The following UBE2K variants were observed in gnomAD, a reference collection of about 807,000 sequenced individuals.
The protein encoded by UBE2K is ubiquitin conjugating enzyme E2 K, also known as ubiquitin-conjugating enzyme E2 K.
Under a neutral mutation model 30.0 loss-of-function variants are expected in UBE2K, and 6 were observed. The ratio of observed to expected loss-of-function variants is 0.20; its 90% CI spans 0.11 to 0.39. UBE2K has a LOEUF of 0.39. Ranked by LOEUF, UBE2K falls within the 10% of genes least tolerant of loss-of-function variation. The probability of loss-of-function intolerance (pLI) is 1.00; values close to 1 mark genes in which losing one functional copy is unlikely to be tolerated. For missense variants in UBE2K, 61 were observed against 241.6 expected, an observed-to-expected ratio of 0.25 and a Z score of 4.96; for synonymous variants, 86 against 83.7, an observed-to-expected ratio of 1.03 and a Z score of -0.15.
intron 2 of UBE2K, among the ~76,000 whole-genome samples, chr4:39,745,163 G>A (rs1021580473): frequency 1.3e-5 from 2 of 152,138 alleles, no homozygotes; most frequent in African/African-American, 4.8e-5. Flanking sequence ...CATGGACCCA[G>A]CTTGTTTTTA....
chr4:39,705,511 T>C (rs1718301562), intron 1 of UBE2K, among the ~76,000 whole-genome samples: 1 of 152,004 alleles, frequency 6.6e-6, no homozygotes, highest in Non-Finnish European at 1.5e-5. Flanking sequence ...GACTATATAC[T>C]CTTATTTCCC....
At chr4:39,737,189 A>G (rs1302731542) in intron 1 of UBE2K, among the ~76,000 whole-genome samples, 1 of 152,136 alleles carries the variant, frequency 6.6e-6, no homozygotes, top group East Asian at 1.9e-4. Context: ...AAGCCATTGT[A>G]TTGTTGTTCA....
At chr4:39,736,010 GT>G (rs1560357176) in intron 1 of UBE2K, among the ~76,000 whole-genome samples, 11 of 53,652 alleles carry the variant, frequency 2.1e-4, no homozygotes, top group African/African-American at 1.5e-3. Context: ...AGTAAAAATT[GT>G]GGTTTTTTTT....
At chr4:39,725,998 C>T (rs762178214) in intron 1 of UBE2K, among the ~76,000 whole-genome samples, 1 of 151,750 alleles carries the variant, frequency 6.6e-6, no homozygotes, top group Non-Finnish European at 1.5e-5. Context: ...AACATTTATT[C>T]TCAGAGTTGT....
At chr4:39,706,820 G>T (rs1325674056) in intron 1 of UBE2K, among the ~76,000 whole-genome samples, 1 of 150,154 alleles carries the variant, frequency 6.7e-6, no homozygotes, top group Admixed American at 6.7e-5. Flanking sequence ...TAATTGGTTG[G>T]AGATACAGGA....
intron 3 of UBE2K, among the ~76,000 whole-genome samples, chr4:39,748,590 G>A (rs1228065449): frequency 6.8e-6 from 1 of 147,220 alleles, no homozygotes; most frequent in Admixed American, 6.9e-5. Flanking sequence ...GTTCAGCCTG[G>A]ACAACATAGC....
In UBE2K at chr4:39,778,549, G is replaced by T; in HGVS notation, c.*115G>T. 3 of 610,990 alleles carry T rather than the reference G, an allele frequency of 4.9e-6. No individual in the cohort carries two copies. Among genetic ancestry groups the T allele is most frequent in the South Asian group, 2.4e-5 (1 of 41,676 alleles). The allele number at this position is 610,990 out of a possible 1,614,324, so 37.8% of individuals were successfully genotyped here. A position where few individuals can be genotyped will look rare whatever the true frequency, so the allele number is the denominator to read the frequency against. ...TAAACTGGCATTCTTGCCTAATGAT[G>T]TTATCTAGGCACCATTGGAGACTGA... On this transcript the variant is annotated 3_prime_UTR_variant, in exon 7 of 7. Coordinates refer to ENST00000261427, the MANE Select transcript of UBE2K (RefSeq NM_005339.5).
rs1472933242 is a variant in UBE2K at position 39,780,572 on chromosome 4, C to T, written c.*2138C>T. ...AGGGTTATATACTCATCTAACTACA[C>T]TTCAGCATCCCCAGTGCCCAAGAAA... On this transcript the variant is annotated 3_prime_UTR_variant, in exon 7 of 7. Coordinates refer to ENST00000261427, the MANE Select transcript of UBE2K (RefSeq NM_005339.5). 1.3e-5 allele frequency: 2 copies of T among 152,098 alleles called. No individual in the cohort carries two copies. The highest frequency in any genetic ancestry group is 2.9e-5 in the Non-Finnish European group (2 of 67,966). The allele number at this position is 152,098 out of a possible 1,614,324, so 9.4% of individuals were successfully genotyped here. A position where few individuals can be genotyped will look rare whatever the true frequency, so the allele number is the denominator to read the frequency against.
chr4:39,766,350 T>A (rs541095625), intron 4 of UBE2K, among the ~76,000 whole-genome samples: 121 of 152,304 alleles, frequency 7.9e-4, no homozygotes, highest in Non-Finnish European at 1.3e-3. Context: ...GATAGGTCAT[T>A]GTGGTTCCAA....
chr4:39,751,921 C>T (rs752751694), intron 3 of UBE2K, among the ~76,000 whole-genome samples: 4 of 152,042 alleles, frequency 2.6e-5, no homozygotes, highest in Non-Finnish European at 5.9e-5. Context: ...GAACCGAGAT[C>T]GCACCACCGC....
chr4:39,699,207 T>C (rs769724182), intron 1 of UBE2K, among the ~76,000 whole-genome samples: 3 of 152,202 alleles, frequency 2.0e-5, no homozygotes, highest in Non-Finnish European at 4.4e-5. Context: ...TTCAAAATAT[T>C]GTTTACAAGT....
At chr4:39,724,273 AATTTTTGTGGT>A (rs980427866) in intron 1 of UBE2K, among the ~76,000 whole-genome samples, 3 of 151,648 alleles carry the variant, frequency 2.0e-5, no homozygotes, top group African/African-American at 7.3e-5. Flanking sequence ...ACACCTGGCT[AATTTTTGTGGT>A]ATTTTTGTAG....
At chr4:39,709,026 G>A (rs1718529321) in intron 1 of UBE2K, among the ~76,000 whole-genome samples, 1 of 151,332 alleles carries the variant, frequency 6.6e-6, no homozygotes. Flanking sequence ...TAGTAATTAA[G>A]GGCGTGGGCT....
chr4:39,722,811 T>G (rs1006418711), intron 1 of UBE2K, among the ~76,000 whole-genome samples: 1 of 151,664 alleles, frequency 6.6e-6, no homozygotes, highest in Non-Finnish European at 1.5e-5. Context: ...TTTTTTTTTT[T>G]TTGAGATGGA....
intron 1 of UBE2K, among the ~76,000 whole-genome samples, chr4:39,703,911 A>G (rs1317094744): frequency 1.3e-5 from 2 of 151,924 alleles, no homozygotes; most frequent in Non-Finnish European, 2.9e-5. Flanking sequence ...TAATTTATCT[A>G]AAGAATAAAT....
intron 1 of UBE2K, among the ~76,000 whole-genome samples, chr4:39,726,097 C>T (rs1351633311): frequency 6.6e-6 from 1 of 152,148 alleles, no homozygotes; most frequent in Non-Finnish European, 1.5e-5. Context: ...TTCCTAGTTT[C>T]TGTTGGTTTG....
At chr4:39,771,015 A>G in intron 4 of UBE2K, 1 of 1,611,660 alleles carries the variant, frequency 6.2e-7, no homozygotes, top group Non-Finnish European at 8.5e-7. Context: ...TCACAAGGCT[A>G]GCCTCACGGA....
At chr4:39,773,660 G>C (rs1343067420) in intron 4 of UBE2K, among the ~76,000 whole-genome samples, 2 of 151,978 alleles carry the variant, frequency 1.3e-5, no homozygotes, top group Middle Eastern at 3.2e-3. Flanking sequence ...GGTGGCTCAC[G>C]CCTGTAATCC....
intron 1 of UBE2K, among the ~76,000 whole-genome samples, chr4:39,729,707 T>C (rs1560353333): frequency 6.6e-6 from 1 of 152,228 alleles, no homozygotes. Flanking sequence ...TTATTCTTCA[T>C]GACCCTGAAT....
Sources: gnomAD v4.1 joint callset for allele counts (sites outside exome capture counted in the v4.1 genomes callset) on GRCh38, gnomAD v4.1.1 for gene constraint, MANE v1.5 for transcripts, NCBI Gene and HGNC (gene_info 2026-07-23, HGNC 2026-07-21) for gene names.